The following RPAP2 variants were observed in gnomAD, a reference collection of about 807,000 sequenced individuals.
RPAP2 encodes the protein RNA polymerase II associated protein 2.
A neutral mutation model predicts 73.1 loss-of-function variants in RPAP2; 52 were observed. The observed-to-expected ratio is 0.71, with a 90% CI of 0.57 to 0.90. The LOEUF is 0.90. Among genes scored for constraint, RPAP2 ranks in the 40% least tolerant of loss-of-function variants. The pLI, the probability that RPAP2 is intolerant of heterozygous loss-of-function variation, is 0.00. For synonymous variants in RPAP2, 225 were observed against 242.1 expected (o/e 0.93, Z 0.65); for missense variants, 598 against 701.8 (o/e 0.85, Z 1.67).
Position 92,323,989 on chromosome 1 carries a change from G to C in RPAP2, c.1069G>C (p.Val357Leu). ...VSRSVSSSVQ[V>L]CPEVGKRNLL... ...TAGGTCAGTGTCTAGTTCAGTGCAGGTGTGTCCTGAAGTTGGAAAGAGAAA... is the reference window on the plus strand; with the variant it reads ...TAGGTCAGTGTCTAGTTCAGTGCAGCTGTGTCCTGAAGTTGGAAAGAGAAA... Residue 357 changes from valine (V) to leucine (L), a missense_variant, in exon 8 of 13, where the codon GTG becomes CTG. Physicochemically the swap from Val to Leu is conservative, Grantham distance 32 (BLOSUM62 1). This residue lies in a region of RPAP2 where 506 missense variants were observed against 612.8 expected (regional missense o/e 0.83). Transcript: ENST00000610020. 1 of 1,614,092 alleles carries C rather than the reference G, an allele frequency of 6.2e-7. No homozygotes were observed. The highest frequency in any genetic ancestry group is 8.5e-7 in the Non-Finnish European group (1 of 1,179,954).
intron 11 of RPAP2, among the ~76,000 whole-genome samples, chr1:92,367,817 A>G (rs1409921881): frequency 6.6e-6 from 1 of 152,208 alleles, no homozygotes; most frequent in African/African-American, 2.4e-5. Context: ...GTGGAGTATG[A>G]GGAGTGTTGT....
In RPAP2 at chr1:92,395,938, C is replaced by T. The variant is rs1656173326; in HGVS notation, c.*8927C>T. 6.6e-6 allele frequency: 1 copy of T among 152,126 alleles called. No homozygotes were observed. Among genetic ancestry groups the T allele is most frequent in the Admixed American group, 6.6e-5 (1 of 15,264 alleles). 9.4% of individuals were successfully genotyped at this position (152,126 alleles called of 1,614,324 possible). A position where few individuals can be genotyped will look rare whatever the true frequency, so the allele number is the denominator to read the frequency against. On this transcript the variant is annotated 3_prime_UTR_variant, in exon 13 of 13. Transcript: ENST00000610020. ...ACTAAAATGACTATAATAAAAAAGA[C>T]AGACAAAGATATGTGTTGGTGATGA...
intron 11 of RPAP2, 50 bp downstream of exon 11, chr1:92,345,964 T>C: frequency 7.8e-7 from 1 of 1,283,544 alleles, no homozygotes; most frequent in South Asian, 1.3e-5. Context: ...TGAAGCATAT[T>C]GATTAGGGAA....
At chr1:92,316,923 T>C (rs1247878097) in intron 6 of RPAP2, among the ~76,000 whole-genome samples, 1 of 152,192 alleles carries the variant, frequency 6.6e-6, no homozygotes, top group Non-Finnish European at 1.5e-5. Context: ...AGGGAAGGTA[T>C]TTAAGGTTCC....
At position 92,382,840 on chromosome 1, in the gene RPAP2, G is replaced by A. The variant is rs369677015; in HGVS notation, c.1838+1967G>A. Among the ~76,000 whole-genome samples, 1,238 of 151,670 alleles carry A rather than the reference G, an allele frequency of 8.2e-3. 12 individuals carry two copies. Among genetic ancestry groups the A allele is most frequent in the African/African-American group, 0.029 (1,180 of 41,342 alleles). Reference sequence around the variant, plus strand: ...TTGGTGTTTTAGACATGAAGTCCTTGCCCATGCCTATGTCCTGAATGGTAT... The same window carrying A: ...TTGGTGTTTTAGACATGAAGTCCTTACCCATGCCTATGTCCTGAATGGTAT... On this transcript the variant is annotated intron_variant, in intron 12 of 12. Coordinates refer to ENST00000610020, the MANE Select transcript of RPAP2 (RefSeq NM_024813.3).
At chr1:92,385,926 A>T (rs1320086042) in intron 12 of RPAP2, among the ~76,000 whole-genome samples, 1 of 152,176 alleles carries the variant, frequency 6.6e-6, no homozygotes, top group Non-Finnish European at 1.5e-5. Flanking sequence ...CTAGAATGGA[A>T]GATCTCCTTC....
At chr1:92,357,751 C>T (rs1473840246) in intron 11 of RPAP2, among the ~76,000 whole-genome samples, 5 of 152,328 alleles carry the variant, frequency 3.3e-5, no homozygotes, top group African/African-American at 1.2e-4. Flanking sequence ...AGGCTGGTCT[C>T]GAACTCTTGG....
chr1:92,347,095 G>A (rs1653943182), intron 11 of RPAP2, among the ~76,000 whole-genome samples: 1 of 152,106 alleles, frequency 6.6e-6, no homozygotes, highest in Non-Finnish European at 1.5e-5. Flanking sequence ...GCCAGAATCT[G>A]TGTCACCCAA....
chr1:92,304,449 A>T, intron 5 of RPAP2, 100 bp downstream of exon 5: 1 of 583,062 alleles, frequency 1.7e-6, no homozygotes, highest in Non-Finnish European at 2.9e-6. Flanking sequence ...ATTAAATAGG[A>T]TTCTAAAAGA....
At chr1:92,299,943 C>T (rs951490628) in intron 1 of RPAP2, among the ~76,000 whole-genome samples, 3 of 152,134 alleles carry the variant, frequency 2.0e-5, no homozygotes, top group African/African-American at 7.2e-5. Flanking sequence ...TGACCATCAT[C>T]GAGTGCACTT....
chr1:92,395,635 C>CAAAAAAA lies in RPAP2; in HGVS notation c.*8641_*8647dup. On this transcript the variant is annotated 3_prime_UTR_variant, in exon 13 of 13. Coordinates refer to ENST00000610020, the MANE Select transcript of RPAP2 (RefSeq NM_024813.3). ...TGGGTGACAGAGTGAGACCCTGTCT[C>CAAAAAAA]AAAAAAAAAAAAAAAAAAAAAAATT... 1 of 96,090 alleles carries CAAAAAAA rather than the reference C, an allele frequency of 1.0e-5. No homozygotes were observed. The highest frequency in any genetic ancestry group is 2.0e-5 in the Non-Finnish European group (1 of 49,366). The allele number at this position is 96,090 out of a possible 1,614,324, so 6.0% of individuals were successfully genotyped here. A position where few individuals can be genotyped will look rare whatever the true frequency, so the allele number is the denominator to read the frequency against.
intron 10 of RPAP2, among the ~76,000 whole-genome samples, chr1:92,337,164 G>A (rs1200759901): frequency 6.6e-6 from 1 of 152,002 alleles, no homozygotes; most frequent in African/African-American, 2.4e-5. Flanking sequence ...TAAACTTCTA[G>A]GGTGGAAGAA....
intron 9 of RPAP2, among the ~76,000 whole-genome samples, chr1:92,333,743 A>G (rs996533776): frequency 6.6e-6 from 1 of 152,186 alleles, no homozygotes; most frequent in Non-Finnish European, 1.5e-5. Flanking sequence ...CTCCCACCTA[A>G]TCAGTGAAGT....
intron 1 of RPAP2, 125 bp from the exon 2 acceptor site, chr1:92,300,069 A>T: frequency 1.5e-6 from 1 of 654,848 alleles, no homozygotes; most frequent in Non-Finnish European, 2.7e-6. Context: ...AGGCAACTGT[A>T]TATCTAAACA....
At chr1:92,330,491 A>G (rs1652901500) in intron 8 of RPAP2, among the ~76,000 whole-genome samples, 1 of 113,662 alleles carries the variant, frequency 8.8e-6, no homozygotes, top group Non-Finnish European at 1.6e-5. Flanking sequence ...TCTGTTGCCC[A>G]GTCTGGAGTG....
At chr1:92,299,281 G>T in intron 1 of RPAP2, 135 bp downstream of exon 1, 1 of 462,188 alleles carries the variant, frequency 2.2e-6, no homozygotes, top group Non-Finnish European at 3.9e-6. Flanking sequence ...TAGGCCGAAA[G>T]CTTCCCACCG....
chr1:92,336,519 TA>T (rs1653288795), intron 10 of RPAP2, 92 bp downstream of exon 10: 1 of 799,040 alleles, frequency 1.3e-6, no homozygotes, highest in Non-Finnish European at 2.1e-6. Flanking sequence ...GTAAGTGACT[TA>T]CCTTTCAATG....
At chr1:92,328,379 G>C (rs1289309858) in intron 8 of RPAP2, among the ~76,000 whole-genome samples, 1 of 152,088 alleles carries the variant, frequency 6.6e-6, no homozygotes, top group South Asian at 2.1e-4. Flanking sequence ...GTTGGACTGG[G>C]TTAATTCAAA....
chr1:92,321,667 G>T (rs1176876775), intron 7 of RPAP2, among the ~76,000 whole-genome samples: 1 of 151,970 alleles, frequency 6.6e-6, no homozygotes, highest in Non-Finnish European at 1.5e-5. Flanking sequence ...GAAAATTGAA[G>T]AACATTGTCA....
Sources: allele counts gnomAD v4.1 joint callset (sites outside exome capture counted in the v4.1 genomes callset), GRCh38; gene constraint gnomAD v4.1.1; regional missense constraint gnomAD v4.1.1; transcripts MANE v1.5; gene names NCBI Gene and HGNC (gene_info 2026-07-23, HGNC 2026-07-21).